Variants in DPP10 observed in about 807,000 individuals in gnomAD.
DPP10 encodes the protein inactive dipeptidyl peptidase 10.
A neutral mutation model predicts 120.9 loss-of-function variants in DPP10; 33 were observed. That is an observed-to-expected ratio of 0.27 (90% CI 0.21 to 0.37). DPP10 has a LOEUF of 0.37. Ranked by LOEUF, DPP10 falls within the 10% of genes least tolerant of loss-of-function variation. The pLI, the probability that DPP10 is intolerant of heterozygous loss-of-function variation, is 1.00. For missense variants in DPP10, 816 were observed against 942.8 expected, an observed-to-expected ratio of 0.87 and a Z score of 1.76; for synonymous variants, 337 against 326.1, an observed-to-expected ratio of 1.03 and a Z score of -0.36.
At chr2:114,716,505 T>A (rs1357439362) in intron 1 of DPP10, among the ~76,000 whole-genome samples, 1 of 152,160 alleles carries the variant, frequency 6.6e-6, no homozygotes, top group African/African-American at 2.4e-5. Flanking sequence ...CACAGGAAAC[T>A]GGGCTTCGTA....
At chr2:115,282,072 G>A (rs916396948) in intron 1 of DPP10, among the ~76,000 whole-genome samples, 1 of 151,930 alleles carries the variant, frequency 6.6e-6, no homozygotes, top group African/African-American at 2.4e-5. Flanking sequence ...ATCTAGTTTT[G>A]TACTTTTTCT....
At chr2:115,407,252 CTCAGCCTTCAGGCTGTT>C (rs1357120087) in intron 3 of DPP10, among the ~76,000 whole-genome samples, 2 of 152,218 alleles carry the variant, frequency 1.3e-5, no homozygotes, top group African/African-American at 2.4e-5. Context: ...AGCCTGGTTT[CTCAGCCTTCAGGCTGTT>C]TCAGCCTTCA....
intron 5 of DPP10, among the ~76,000 whole-genome samples, chr2:115,625,864 T>A (rs2085316912): frequency 2.0e-5 from 3 of 151,920 alleles, no homozygotes; most frequent in Admixed American, 2.0e-4. Context: ...TGATATAAAG[T>A]GATTAAGAAG....
chr2:115,753,415 T>A (rs1679004102), intron 11 of DPP10, 118 bp downstream of exon 11: 4 of 936,504 alleles, frequency 4.3e-6, no homozygotes, highest in Non-Finnish European at 6.0e-6. Flanking sequence ...TTAAAACTAA[T>A]AGGAAAAGAA....
intron 5 of DPP10, among the ~76,000 whole-genome samples, chr2:115,528,177 C>T (rs556875880): frequency 1.8e-4 from 28 of 151,750 alleles, no homozygotes; most frequent in Non-Finnish European, 3.8e-4. Context: ...AGTTTACAGT[C>T]CAACAATGAT....
intron 5 of DPP10, among the ~76,000 whole-genome samples, chr2:115,568,017 A>C (rs1252321115): frequency 2.6e-5 from 4 of 152,076 alleles, no homozygotes; most frequent in African/African-American, 7.2e-5. Context: ...CTGTACAAAA[A>C]ATACAAAAAA....
chr2:114,918,524 A>G (rs1694966806), intron 1 of DPP10, among the ~76,000 whole-genome samples: 1 of 152,194 alleles, frequency 6.6e-6, no homozygotes, highest in Non-Finnish European at 1.5e-5. Context: ...CTTTCACAGT[A>G]GCAGGGACAT....
intron 1 of DPP10, among the ~76,000 whole-genome samples, chr2:115,134,597 A>G (rs1319590921): frequency 2.0e-5 from 3 of 152,188 alleles, no homozygotes; most frequent in Non-Finnish European, 4.4e-5. Context: ...TGCTTCTCCC[A>G]TGCTACCTCC....
intron 1 of DPP10, among the ~76,000 whole-genome samples, chr2:114,681,429 TA>T (rs1699018369): frequency 6.6e-6 from 1 of 151,970 alleles, no homozygotes; most frequent in South Asian, 2.1e-4. Context: ...TTTCTACTCT[TA>T]AAATAGCATT....
chr2:115,509,741 G>A (rs904897564), intron 4 of DPP10, among the ~76,000 whole-genome samples: 1 of 152,056 alleles, frequency 6.6e-6, no homozygotes, highest in African/African-American at 2.4e-5. Flanking sequence ...TAAAAAGAAG[G>A]AGCAGAGTTG....
At chr2:115,095,733 G>A (rs534901506) in intron 1 of DPP10, among the ~76,000 whole-genome samples, 114 of 151,930 alleles carry the variant, frequency 7.5e-4, no homozygotes, top group African/African-American at 2.6e-3. Flanking sequence ...ATACACATGA[G>A]CAATGGAAAT....
intron 1 of DPP10, among the ~76,000 whole-genome samples, chr2:114,560,593 G>T (rs1042412923): frequency 6.6e-6 from 1 of 152,076 alleles, no homozygotes; most frequent in Admixed American, 6.5e-5. Flanking sequence ...TGGGGCCCAG[G>T]TATAGGCCAG....
intron 1 of DPP10, among the ~76,000 whole-genome samples, chr2:115,238,888 G>A (rs1411462245): frequency 1.3e-5 from 2 of 152,034 alleles, no homozygotes; most frequent in African/African-American, 4.8e-5. Context: ...CGATCACAAG[G>A]TCCCATCATA....
chr2:114,839,645 C>A (rs933325041), intron 1 of DPP10, among the ~76,000 whole-genome samples: 4 of 152,144 alleles, frequency 2.6e-5, no homozygotes, highest in African/African-American at 9.7e-5. Context: ...CTGCTCTATT[C>A]AGCTGTCATT....
chr2:115,520,591 A>T (rs2077748792), intron 4 of DPP10, among the ~76,000 whole-genome samples: 1 of 152,076 alleles, frequency 6.6e-6, no homozygotes, highest in Non-Finnish European at 1.5e-5. Context: ...AGAACAATAC[A>T]CATCCCTACT....
At chr2:115,403,826 G>A (rs1239592734) in intron 3 of DPP10, among the ~76,000 whole-genome samples, 1 of 152,090 alleles carries the variant, frequency 6.6e-6, no homozygotes, top group African/African-American at 2.4e-5. Flanking sequence ...TTGATAAGAT[G>A]ATCTTATGTG....
chr2:114,826,379 A>G (rs1030078046), intron 1 of DPP10, among the ~76,000 whole-genome samples: 1 of 152,146 alleles, frequency 6.6e-6, no homozygotes, highest in Non-Finnish European at 1.5e-5. Flanking sequence ...AAATAGTAAT[A>G]CCTTTTCCTC....
chr2:114,716,672 C>T (rs1701369350), intron 1 of DPP10, among the ~76,000 whole-genome samples: 1 of 152,100 alleles, frequency 6.6e-6, no homozygotes, highest in South Asian at 2.1e-4. Flanking sequence ...GGTTGATCTT[C>T]CTTGTTCAAA....
chr2:115,632,150 C>T (rs1023764954), intron 5 of DPP10, among the ~76,000 whole-genome samples: 1 of 152,120 alleles, frequency 6.6e-6, no homozygotes, highest in African/African-American at 2.4e-5. Flanking sequence ...GAATTGAACC[C>T]TTTAGCATTA....
Sources: allele counts gnomAD v4.1 joint callset (sites outside exome capture counted in the v4.1 genomes callset), GRCh38; gene constraint gnomAD v4.1.1; transcripts MANE v1.5; gene names NCBI Gene and HGNC (gene_info 2026-07-23, HGNC 2026-07-21).